Variants in REDIC1 observed in about 807,000 individuals in gnomAD.
REDIC1 encodes the protein HEI10 Interacting Protein 1.
At chr12:39,717,355 A>G in the REDIC1 span, among the ~76,000 whole-genome samples, 2 of 152,004 alleles carry the variant, frequency 1.3e-5, no homozygotes, top group Non-Finnish European at 2.9e-5. Context: ...TATATATTAT[A>G]TACTATATTT....
the REDIC1 span, among the ~76,000 whole-genome samples, chr12:39,807,338 T>G: frequency 6.6e-6 from 1 of 152,130 alleles, no homozygotes; most frequent in South Asian, 2.1e-4. Flanking sequence ...TACACACACA[T>G]GCATAAGTAA....
the REDIC1 span, among the ~76,000 whole-genome samples, chr12:39,864,371 G>A: frequency 6.6e-6 from 1 of 152,172 alleles, no homozygotes; most frequent in Non-Finnish European, 1.5e-5. Context: ...TATTCAGAGG[G>A]CATGTGCATC....
chr12:39,888,593 T>C, the REDIC1 span, among the ~76,000 whole-genome samples: 1 of 152,170 alleles, frequency 6.6e-6, no homozygotes, highest in African/African-American at 2.4e-5. Context: ...CAAAAACCTA[T>C]CCTACTTTTG....
the REDIC1 span, among the ~76,000 whole-genome samples, chr12:39,630,051 G>A: frequency 1.5e-3 from 233 of 152,016 alleles, 1 homozygote; most frequent in Middle Eastern, 6.8e-3. Flanking sequence ...ATATTTGCTG[G>A]AAGGCACCAC....
chr12:39,818,663 T>G, the REDIC1 span, among the ~76,000 whole-genome samples: 2 of 152,120 alleles, frequency 1.3e-5, no homozygotes, highest in Non-Finnish European at 1.5e-5. Flanking sequence ...GTCCCCCAAG[T>G]TTTTATAAAT....
the REDIC1 span, among the ~76,000 whole-genome samples, chr12:39,821,113 C>A: frequency 6.6e-6 from 1 of 152,014 alleles, no homozygotes; most frequent in Non-Finnish European, 1.5e-5. Flanking sequence ...CTTTAGAGTT[C>A]CTTTTATAAC....
At chr12:39,733,868 C>G in the REDIC1 span, among the ~76,000 whole-genome samples, 6 of 152,204 alleles carry the variant, frequency 3.9e-5, no homozygotes, top group South Asian at 6.2e-4. Flanking sequence ...CTGAACTAGG[C>G]TACTTAGCTC....
the REDIC1 span, among the ~76,000 whole-genome samples, chr12:39,713,255 TACGTGTATATATGTGTACACACAC>T: frequency 9.9e-5 from 9 of 91,292 alleles, no homozygotes; most frequent in Non-Finnish European, 1.8e-4. Flanking sequence ...TACACACACA[TACGTGTATATATGTGTACACACAC>T]ATACGTGTAT....
At chr12:39,866,445 G>A in the REDIC1 span, among the ~76,000 whole-genome samples, 1 of 152,166 alleles carries the variant, frequency 6.6e-6, no homozygotes, top group Non-Finnish European at 1.5e-5. Context: ...CTCACCTTAC[G>A]GGCTTACAGT....
At chr12:39,790,155 A>C in the REDIC1 span, among the ~76,000 whole-genome samples, 1 of 146,780 alleles carries the variant, frequency 6.8e-6, no homozygotes, top group Non-Finnish European at 1.5e-5. Context: ...ACTAAGGTTA[A>C]TTTATCATTG....
At chr12:39,859,091 G>A in the REDIC1 span, among the ~76,000 whole-genome samples, 3 of 151,994 alleles carry the variant, frequency 2.0e-5, no homozygotes, top group African/African-American at 7.3e-5. Flanking sequence ...TTTATGAGGG[G>A]CATACTGTTT....
At chr12:39,808,347 C>T in the REDIC1 span, among the ~76,000 whole-genome samples, 3 of 152,048 alleles carry the variant, frequency 2.0e-5, no homozygotes, top group Non-Finnish European at 4.4e-5. Flanking sequence ...ATCCACTCAC[C>T]TGTTGAAGTA....
chr12:39,662,558 A>T, the REDIC1 span, among the ~76,000 whole-genome samples: 1 of 151,938 alleles, frequency 6.6e-6, no homozygotes, highest in Non-Finnish European at 1.5e-5. Flanking sequence ...TCTAAATATA[A>T]GATCATGTCA....
At chr12:39,848,340 A>C in the REDIC1 span, among the ~76,000 whole-genome samples, 25 of 152,150 alleles carry the variant, frequency 1.6e-4, no homozygotes, top group Non-Finnish European at 3.5e-4. Context: ...AAAGAAAAAC[A>C]ACCCCATTAA....
At chr12:39,895,549 T>TACAC in the REDIC1 span, among the ~76,000 whole-genome samples, 25 of 72,544 alleles carry the variant, frequency 3.4e-4, 1 homozygote, top group African/African-American at 1.4e-3. Context: ...TATATATATA[T>TACAC]ATACACACAC....
chr12:39,669,548 C>T, the REDIC1 span, among the ~76,000 whole-genome samples: 6 of 152,334 alleles, frequency 3.9e-5, no homozygotes, highest in South Asian at 2.1e-4. Flanking sequence ...TCTCCAGCTG[C>T]GTGCTGGGAG....
the REDIC1 span, among the ~76,000 whole-genome samples, chr12:39,644,222 G>T: frequency 6.6e-6 from 1 of 151,658 alleles, no homozygotes; most frequent in Non-Finnish European, 1.5e-5. Context: ...TAGCTAGAGA[G>T]CAGGGAATAA....
chr12:39,711,828 T>G, the REDIC1 span, among the ~76,000 whole-genome samples: 18 of 40,186 alleles, frequency 4.5e-4, 1 homozygote, highest in Admixed American at 3.1e-3. Flanking sequence ...CACATGCATG[T>G]GTATATGTGT....
At chr12:39,749,552 C>T in the REDIC1 span, among the ~76,000 whole-genome samples, 2 of 152,196 alleles carry the variant, frequency 1.3e-5, no homozygotes, top group African/African-American at 2.4e-5. Context: ...AAGAGGGAAT[C>T]CTCCCTAACT....
Sources: gnomAD v4.1 joint callset for allele counts (sites outside exome capture counted in the v4.1 genomes callset) on GRCh38, gnomAD v4.1.1 for gene constraint, MANE v1.5 for transcripts, NCBI Gene and HGNC (gene_info 2026-07-23, HGNC 2026-07-21) for gene names.